The following TTYH1 variants were observed in gnomAD, a reference collection of about 807,000 sequenced individuals.
TTYH1 encodes tweety family member 1.
In TTYH1, 33 loss-of-function variants were observed where a neutral mutation model predicts 61.2. The ratio of observed to expected loss-of-function variants is 0.54; its 90% CI spans 0.41 to 0.72. TTYH1 has a LOEUF of 0.72. Ranked by LOEUF, TTYH1 falls within the 30% of genes least tolerant of loss-of-function variation. TTYH1 has a pLI of 0.00. For missense variants in TTYH1, 538 were observed against 575.8 expected, an observed-to-expected ratio of 0.93 and a Z score of 0.67; for synonymous variants, 308 against 266.4, an observed-to-expected ratio of 1.16 and a Z score of -1.52.
chr19:54,422,199 A>G lies in TTYH1; in HGVS notation c.427A>G (p.Thr143Ala). Residue 143 changes from threonine to alanine, a missense_variant, in exon 4 of 14, where the codon ACG becomes GCG. Transcript: ENST00000376530. ...CCTGTCCTATCCCCAGGTGTTGGAG[A>G]CGGTGGAGAGGCTGGGCGAGGCGGT... Reference protein sequence around the residue: ...LSTIDHLVLETVERLGEAVRT... With the variant: ...LSTIDHLVLEAVERLGEAVRT... 2 of 1,561,314 alleles carry G rather than the reference A, an allele frequency of 1.3e-6. No individual in the cohort carries two copies. Among genetic ancestry groups the G allele is most frequent in the East Asian group, 2.3e-5 (1 of 42,942 alleles).
intron 5 of TTYH1, among the ~76,000 whole-genome samples, chr19:54,428,492 C>G (rs1314512438): frequency 1.3e-5 from 2 of 152,118 alleles, no homozygotes; most frequent in Non-Finnish European, 2.9e-5. Flanking sequence ...TTCCAAAGTA[C>G]TGGGTTTACA....
At chr19:54,417,686 TAC>T (rs35495259) in intron 1 of TTYH1, among the ~76,000 whole-genome samples, 4,259 of 150,778 alleles carry the variant, frequency 0.028, 222 homozygotes, top group African/African-American at 0.097. Flanking sequence ...TATACTCCCA[TAC>T]ACACACACAC....
At chr19:54,426,279 C>T (rs1452814982) in intron 4 of TTYH1, among the ~76,000 whole-genome samples, 4 of 152,136 alleles carry the variant, frequency 2.6e-5, no homozygotes, top group Non-Finnish European at 4.4e-5. Flanking sequence ...TGCCTCCAGA[C>T]GTCATGCCCT....
At chr19:54,426,635 C>T (rs373229151) in intron 4 of TTYH1, 38 bp from the exon 5 acceptor site, 86 of 1,559,262 alleles carry the variant, frequency 5.5e-5, no homozygotes, top group Non-Finnish European at 7.2e-5. Flanking sequence ...TGCCTGGAGG[C>T]AGGTTTGTGG....
chr19:54,430,490 C>T, intron 7 of TTYH1, 60 bp from the exon 8 acceptor site: 1 of 1,588,236 alleles, frequency 6.3e-7, no homozygotes, highest in Non-Finnish European at 8.6e-7. Flanking sequence ...CGGCCTTCCC[C>T]CGGGAGATCC....
At position 54,422,336 on chromosome 19, in the gene TTYH1, G is replaced by T. The variant is rs1275700041; in HGVS notation, c.564G>T (p.Gly188=). ...QAEAAAQQLQ[G]LAFWQGVPLS... ...AGGCTGCGGCCCAGCAGCTGCAGGGGCTGGCCTTCTGGCAGGGAGTGCCCC... is the reference window on the plus strand; with the variant it reads ...AGGCTGCGGCCCAGCAGCTGCAGGGTCTGGCCTTCTGGCAGGGAGTGCCCC... The change falls in exon 4 of 14, where the codon GGG becomes GGT. Residue 188 remains glycine, a synonymous_variant. Coordinates refer to ENST00000376530, the MANE Select transcript of TTYH1 (RefSeq NM_020659.4). 1 of 1,570,952 alleles carries T rather than the reference G, an allele frequency of 6.4e-7. No individual in the cohort carries two copies. Among genetic ancestry groups the T allele is most frequent in the Non-Finnish European group, 8.6e-7 (1 of 1,159,422 alleles).
chr19:54,415,771 G>A lies in TTYH1; in HGVS notation c.126+93G>A, dbSNP rs2083064451. The A allele has an allele frequency of 7.6e-7, 1 of 1,309,600 alleles. No homozygotes were observed. The allele number at this position is 1,309,600 out of a possible 1,614,324, so 81.1% of individuals were successfully genotyped here. A position where few individuals can be genotyped will look rare whatever the true frequency, so the allele number is the denominator to read the frequency against. ...GGGGGCTGGGTCACAGATTTCCTGA[G>A]CTCCGCCGGAGGCTGGGGGCCGGCC... On this transcript the variant is annotated intron_variant, in intron 1 of 13. Transcript: ENST00000376530. The surrounding 1 kb of genome is among the most constrained non-coding windows in gnomAD (Gnocchi z 5.2).
At chr19:54,435,493 G>A (rs751567218) in intron 10 of TTYH1, 49 bp from the exon 11 acceptor site, 15 of 1,549,038 alleles carry the variant, frequency 9.7e-6, no homozygotes, top group East Asian at 9.0e-5. Flanking sequence ...AGTGTGTGCC[G>A]ATGGGGGAGG....
rs561214573 is a variant in TTYH1 at position 54,421,156 on chromosome 19, G to A, written c.306-121G>A. 2.9e-4 allele frequency: 198 copies of A among 683,170 alleles called. No individual in the cohort carries two copies. In the African/African-American group the frequency reaches 3.1e-3, roughly 11 times the overall value. 42.3% of individuals were successfully genotyped at this position (683,170 alleles called of 1,614,324 possible). On this transcript the variant is annotated intron_variant, in intron 2 of 13. Coordinates refer to ENST00000376530, the MANE Select transcript of TTYH1 (RefSeq NM_020659.4). This position sits in a 1 kb window ranked among gnomAD's most constrained non-coding sequence, Gnocchi z 4.8. Reference sequence around the variant, plus strand: ...CTTTTCCCACGGGCTGGCCCAATGAGGTGGGGCTGAGATGGGAGGGGTGGA... The same window carrying A: ...CTTTTCCCACGGGCTGGCCCAATGAAGTGGGGCTGAGATGGGAGGGGTGGA...
chr19:54,417,504 A>AT (rs2083111646), intron 1 of TTYH1, among the ~76,000 whole-genome samples: 1 of 151,900 alleles, frequency 6.6e-6, no homozygotes, highest in South Asian at 2.1e-4. Context: ...ATACACTCAC[A>AT]TGGATATACC....
Position 54,419,343 on chromosome 19 carries a change from G to C in TTYH1, c.305+37G>C. On this transcript the variant is annotated intron_variant, in intron 2 of 13. Coordinates refer to ENST00000376530, the MANE Select transcript of TTYH1 (RefSeq NM_020659.4). This position sits in a 1 kb window ranked among gnomAD's most constrained non-coding sequence, Gnocchi z 6.1. ...CCAGGGTGGGTGGGCGGTGGGGACAGGGCTCCCCAAGCTCTTTGCTGGCCT... is the reference window on the plus strand; with the variant it reads ...CCAGGGTGGGTGGGCGGTGGGGACACGGCTCCCCAAGCTCTTTGCTGGCCT... The C allele has an allele frequency of 6.4e-7, 1 of 1,570,382 alleles. No homozygotes were observed. The highest frequency in any genetic ancestry group is 8.6e-7 in the Non-Finnish European group (1 of 1,163,204).
Position 54,427,947 on chromosome 19 carries a change from G to A in TTYH1, c.734+1179G>A, listed in dbSNP as rs555570702. 2.2e-4 allele frequency among the ~76,000 whole-genome samples: 34 copies of A among 152,138 alleles called. No individual in the cohort carries two copies. The South Asian group carries it at 7.1e-3, about 32-fold the overall frequency. On this transcript the variant is annotated intron_variant, in intron 5 of 13. Transcript: ENST00000376530. The stretch of plus-strand genomic sequence containing the variant: ...TTTTATTTTGAGAAGGTCTTGCTTT[G>A]TTGCCCAGACTGGAGTGCAGTGGCA...
chr19:54,415,797 C>G lies in TTYH1; in HGVS notation c.126+119C>G. 1 of 1,209,116 alleles carries G rather than the reference C, an allele frequency of 8.3e-7. No individual in the cohort carries two copies. Among genetic ancestry groups the G allele is most frequent in the Non-Finnish European group, 1.1e-6 (1 of 905,124 alleles). The allele number at this position is 1,209,116 out of a possible 1,614,324, so 74.9% of individuals were successfully genotyped here. On this transcript the variant is annotated intron_variant, in intron 1 of 13. Coordinates refer to ENST00000376530, the MANE Select transcript of TTYH1 (RefSeq NM_020659.4). This position sits in a 1 kb window ranked among gnomAD's most constrained non-coding sequence, Gnocchi z 5.2. ...CTCCGCCGGAGGCTGGGGGCCGGCC[C>G]GGACTTTGGGGTTTCGGAGGGAGGA...
At position 54,421,529 on chromosome 19, in the gene TTYH1, C is replaced by G; in HGVS notation, c.417+141C>G. ...CAGATTCAGAACTTCATCCTGAGAC[C>G]CACAGACCTCAGACTATCCACCCAA... On this transcript the variant is annotated intron_variant, in intron 3 of 13. Coordinates refer to ENST00000376530, the MANE Select transcript of TTYH1 (RefSeq NM_020659.4). The surrounding 1 kb of genome is among the most constrained non-coding windows in gnomAD (Gnocchi z 4.8). 1.5e-6 allele frequency: 1 copy of G among 669,414 alleles called. No individual in the cohort carries two copies. The highest frequency in any genetic ancestry group is 2.7e-6 in the Non-Finnish European group (1 of 370,436). The allele number at this position is 669,414 out of a possible 1,614,324, so 41.5% of individuals were successfully genotyped here. A position where few individuals can be genotyped will look rare whatever the true frequency, so the allele number is the denominator to read the frequency against.
intron 4 of TTYH1, among the ~76,000 whole-genome samples, chr19:54,422,640 G>C (rs534186304): frequency 2.6e-5 from 4 of 152,012 alleles, no homozygotes; most frequent in Non-Finnish European, 5.9e-5. Flanking sequence ...CAATTATGAC[G>C]AGGCTGGCCA....
Position 54,422,271 on chromosome 19 carries a change from G to T in TTYH1, c.499G>T (p.Glu167Ter). The change falls in exon 4 of 14, where the codon GAG (glutamate) becomes TAG (stop). Residue 167 changes from glutamate (E) to a stop codon, truncating the protein, a stop_gained. Coordinates refer to ENST00000376530, the MANE Select transcript of TTYH1 (RefSeq NM_020659.4). LOFTEE classifies it high-confidence loss of function. ...GGAGGAGGTGCTCGAGCCGCGCACG[G>T]AGCTGGTGGCTGCCGCCCGAGGGGC... ...TLEEVLEPRT[E>*]LVAAARGARR... 1 of 1,567,146 alleles carries T rather than the reference G, an allele frequency of 6.4e-7. No individual in the cohort carries two copies. Among genetic ancestry groups the T allele is most frequent in the Non-Finnish European group, 8.6e-7 (1 of 1,156,404 alleles).
In TTYH1 at chr19:54,421,370, C is replaced by T. The variant is rs552817249; in HGVS notation, c.399C>T (p.Leu133=). 1.2e-5 allele frequency: 20 copies of T among 1,613,344 alleles called. No homozygotes were observed. In the South Asian group the frequency reaches 2.2e-4, roughly 18 times the overall value. The change falls in exon 3 of 14, where the codon CTC becomes CTT. Residue 133 remains leucine, a synonymous_variant. Transcript: ENST00000376530. This position sits in a 1 kb window ranked among gnomAD's most constrained non-coding sequence, Gnocchi z 4.8. ...CGCTGCTGCACGCCAACCACACACT[C>T]AGCACCATTGACCACCTGGTGAGGG... ...SSALLHANHT[L]STIDHLVLET...
At chr19:54,425,427 T>C (rs2083304521) in intron 4 of TTYH1, among the ~76,000 whole-genome samples, 1 of 152,224 alleles carries the variant, frequency 6.6e-6, no homozygotes, top group African/African-American at 2.4e-5. Flanking sequence ...ATCCAGATCA[T>C]TGTCCCTTCC....
At position 54,436,151 on chromosome 19, in the gene TTYH1, G is replaced by GGA. The variant is rs1229497626; in HGVS notation, c.*24_*25dup. On this transcript the variant is annotated 3_prime_UTR_variant, in exon 13 of 14. Coordinates refer to ENST00000376530, the MANE Select transcript of TTYH1 (RefSeq NM_020659.4). The surrounding 1 kb of genome is among the most constrained non-coding windows in gnomAD (Gnocchi z 4.3). ...CTGAGCCCCTCCTCCCGGCTGGACT[G>GGA]GAGCCTGGCTCCCCTCTTCGGTGAG... is the stretch of plus-strand genomic sequence containing the variant. 1.2e-6 allele frequency: 2 copies of GGA among 1,613,972 alleles called. No homozygotes were observed. The highest frequency in any genetic ancestry group is 2.7e-5 in the African/African-American group (2 of 74,928).
Sources: gnomAD v4.1 joint callset for allele counts (sites outside exome capture counted in the v4.1 genomes callset) on GRCh38, gnomAD v4.1.1 for gene constraint, Gnocchi (gnomAD v3.1) non-coding constraint, MANE v1.5 for transcripts, NCBI Gene and HGNC (gene_info 2026-07-23, HGNC 2026-07-21) for gene names.